The following ENTHD1 variants were observed in gnomAD, a reference collection of about 807,000 sequenced individuals.
ENTHD1 encodes the protein ENTH domain-containing protein 1.
In ENTHD1, 23 loss-of-function variants were observed where a neutral mutation model predicts 39.1. The observed-to-expected ratio is 0.59, with a 90% CI of 0.42 to 0.83. The LOEUF (loss-of-function observed/expected upper bound fraction) is 0.83. ENTHD1 is among the 40% of genes least tolerant of loss of function. ENTHD1 has a pLI of 0.00. For synonymous variants in ENTHD1, 230 were observed against 258.2 expected, an observed-to-expected ratio of 0.89 and a Z score of 1.05; for missense variants, 624 against 705.4, an observed-to-expected ratio of 0.88 and a Z score of 1.31.
rs112194949 is a variant in ENTHD1 at position 39,840,759 on chromosome 22, C to CT, written c.593-4802dup. The stretch of plus-strand genomic sequence containing the variant: ...GTTGTTTTGGCACATAGTTAAGCAT[C>CT]TTTTTTTTTTTTTGAGACGGAGTCT... On this transcript the variant is annotated intron_variant, in intron 3 of 6. Transcript: ENST00000325157. Among the ~76,000 whole-genome samples, 385 of 146,284 alleles carry CT rather than the reference C, an allele frequency of 2.6e-3. 1 individual carries two copies. The highest frequency in any genetic ancestry group is 0.017 in the East Asian group (87 of 5,026).
intron 4 of ENTHD1, among the ~76,000 whole-genome samples, chr22:39,822,273 G>A (rs2065788831): frequency 6.6e-6 from 1 of 151,442 alleles, no homozygotes; most frequent in Non-Finnish European, 1.5e-5. Context: ...CTTACATGTA[G>A]AGCTCGATAA....
intron 5 of ENTHD1, among the ~76,000 whole-genome samples, chr22:39,791,161 G>GTT (rs1569141914): frequency 6.8e-6 from 1 of 147,842 alleles, no homozygotes; most frequent in African/African-American, 2.5e-5. Context: ...AGAGTCTAAA[G>GTT]TTATATATAT....
chr22:39,797,291 G>A (rs1054094615), intron 5 of ENTHD1, among the ~76,000 whole-genome samples: 2 of 152,056 alleles, frequency 1.3e-5, no homozygotes, highest in African/African-American at 4.8e-5. Context: ...GTTGGTTCTG[G>A]GGTTTTTAAA....
intron 2 of ENTHD1, among the ~76,000 whole-genome samples, chr22:39,886,654 A>C (rs1601671335): frequency 2.0e-5 from 3 of 152,162 alleles, no homozygotes; most frequent in Admixed American, 6.5e-5. Context: ...TTCATTTTGA[A>C]CACAAATTAT....
intron 5 of ENTHD1, among the ~76,000 whole-genome samples, chr22:39,779,154 TA>T (rs1232689723): frequency 6.6e-6 from 1 of 151,896 alleles, no homozygotes; most frequent in Non-Finnish European, 1.5e-5. Flanking sequence ...CCATCTCTAC[TA>T]AAAACACAAA....
chr22:39,799,505 A>C (rs1346722673), intron 5 of ENTHD1, among the ~76,000 whole-genome samples: 1 of 152,172 alleles, frequency 6.6e-6, no homozygotes, highest in Admixed American at 6.5e-5. Context: ...GGAATTTATT[A>C]AGTGAAAAGA....
intron 6 of ENTHD1, among the ~76,000 whole-genome samples, chr22:39,752,182 A>G (rs991861837): frequency 1.3e-5 from 2 of 152,006 alleles, no homozygotes; most frequent in African/African-American, 2.4e-5. Context: ...CTATTTTTCT[A>G]TCTATCTGTA....
intron 5 of ENTHD1, among the ~76,000 whole-genome samples, chr22:39,799,263 G>T (rs934372605): frequency 9.9e-5 from 15 of 152,174 alleles, no homozygotes; most frequent in Non-Finnish European, 2.2e-4. Flanking sequence ...TGCTCACAGT[G>T]GTTTCAGCCA....
At position 39,889,111 on chromosome 22, in the gene ENTHD1, T is replaced by A. The variant is rs903547926; in HGVS notation, c.-155-1208A>T. Among the ~76,000 whole-genome samples, 3 of 152,192 alleles carry A rather than the reference T, an allele frequency of 2.0e-5. No individual in the cohort carries two copies. In the South Asian group the frequency reaches 6.2e-4, roughly 31 times the overall value. On this transcript the variant is annotated intron_variant, in intron 1 of 6. Coordinates refer to ENST00000325157, the MANE Select transcript of ENTHD1 (RefSeq NM_152512.4). The stretch of plus-strand genomic sequence containing the variant: ...CCTAAAACCTCTATTTTAGTCCAGA[T>A]AAGCCTGGTAAATTAGAGGGAAAGG...
chr22:39,784,392 CTGAGTATA>C (rs1272780963), intron 5 of ENTHD1, among the ~76,000 whole-genome samples: 1 of 152,082 alleles, frequency 6.6e-6, no homozygotes, highest in African/African-American at 2.4e-5. Flanking sequence ...AATTCTACTA[CTGAGTATA>C]TAACCAAAAG....
chr22:39,765,323 T>C lies in ENTHD1; in HGVS notation c.1119A>G (p.Ile373Met), dbSNP rs762151471. The change falls in exon 6 of 7, where the codon ATA becomes ATG. Residue 373 changes from isoleucine (I) to methionine (M), a missense_variant. By Grantham distance (10) the Ile-to-Met change is conservative. Coordinates refer to ENST00000325157, the MANE Select transcript of ENTHD1 (RefSeq NM_152512.4). ...ETLCLSPSFK[I>M]FDRVKEIVIN... ...TTACAATCTCCTTCACTCGGTCAAA[T>C]ATTTTGAATGAGGGAGAGAGACAGA... 54 of 1,613,766 alleles carry C rather than the reference T, an allele frequency of 3.3e-5. No homozygotes were observed. In the South Asian group the frequency reaches 5.4e-4, roughly 16 times the overall value.
At chr22:39,818,009 C>T (rs1173576479) in intron 5 of ENTHD1, among the ~76,000 whole-genome samples, 32 of 152,102 alleles carry the variant, frequency 2.1e-4, no homozygotes, top group Admixed American at 2.1e-3. Context: ...GGTCTATGTC[C>T]CCACCCCCTT....
Position 39,835,840 on chromosome 22 carries a change from C to T in ENTHD1, c.711G>A (p.Glu237=). The T allele has an allele frequency of 9.4e-6, 15 of 1,603,102 alleles. No individual in the cohort carries two copies. The highest frequency in any genetic ancestry group is 1.2e-5 in the Non-Finnish European group (14 of 1,172,074). ...CAGCTATAGGAAACTATAGACTTAC[C>T]TCTGTTGATTTCCAACCATGAATCT... ...PLKIHGWKST[E]DLMTFLDDDP... Residue 237 remains glutamate, a splice_region_variant and synonymous_variant, in exon 4 of 7, where the codon GAG becomes GAA. Transcript: ENST00000325157.
chr22:39,855,630 A>G (rs1280855816), intron 3 of ENTHD1, among the ~76,000 whole-genome samples: 4 of 151,802 alleles, frequency 2.6e-5, no homozygotes, highest in Admixed American at 2.6e-4. Context: ...GGGAAGAGAC[A>G]TTCATATTTT....
At chr22:39,860,227 G>T (rs1052944380) in intron 3 of ENTHD1, among the ~76,000 whole-genome samples, 2 of 152,118 alleles carry the variant, frequency 1.3e-5, no homozygotes, top group African/African-American at 4.8e-5. Context: ...ATAATTATGT[G>T]TTTACAATGA....
chr22:39,869,511 A>G (rs1212573542), intron 2 of ENTHD1, among the ~76,000 whole-genome samples: 2 of 152,072 alleles, frequency 1.3e-5, no homozygotes, highest in Non-Finnish European at 2.9e-5. Flanking sequence ...AAAATGCACT[A>G]TTGAGTACTA....
intron 5 of ENTHD1, among the ~76,000 whole-genome samples, chr22:39,775,160 A>G (rs991115077): frequency 6.6e-6 from 1 of 152,226 alleles, no homozygotes; most frequent in Non-Finnish European, 1.5e-5. Context: ...ACTAAGTACA[A>G]GGATGTCTTA....
At chr22:39,873,892 T>C (rs1174668145) in intron 2 of ENTHD1, among the ~76,000 whole-genome samples, 1 of 152,202 alleles carries the variant, frequency 6.6e-6, no homozygotes, top group East Asian at 1.9e-4. Context: ...ATTAACCATA[T>C]GTATTAGTCC....
At position 39,743,979 on chromosome 22, in the gene ENTHD1, A is replaced by T. The variant is rs114891067; in HGVS notation, c.1524T>A (p.Ile508=). 153 of 1,614,180 alleles carry T rather than the reference A, an allele frequency of 9.5e-5. 1 individual carries two copies. The East Asian group carries it at 3.1e-3, about 33-fold the overall frequency. The change falls in exon 7 of 7, where the codon ATT becomes ATA. Residue 508 remains isoleucine (I), a synonymous_variant. Coordinates refer to ENST00000325157, the MANE Select transcript of ENTHD1 (RefSeq NM_152512.4). ...AAAACTCCCCCCAGTGACTACTAGA[A>T]ATGTGACTTATATTCTTTTTAGCAG... ...SDSAKKNISH[I]SSSHWGEFST...
Sources: allele counts gnomAD v4.1 joint callset (sites outside exome capture counted in the v4.1 genomes callset), GRCh38; gene constraint gnomAD v4.1.1; transcripts MANE v1.5; gene names NCBI Gene and HGNC (gene_info 2026-07-23, HGNC 2026-07-21).